The following DNM3 variants were observed in gnomAD, a reference collection of about 807,000 sequenced individuals.
DNM3 encodes dynamin-3.
DNM3 carries 47 observed loss-of-function variants against 101.6 expected under a neutral mutation model. The ratio of observed to expected loss-of-function variants is 0.46; its 90% CI spans 0.37 to 0.59. The LOEUF is 0.59. Ranked by LOEUF, DNM3 falls within the 20% of genes least tolerant of loss-of-function variation. The pLI, the probability that DNM3 is intolerant of heterozygous loss-of-function variation, is 0.00. For missense variants in DNM3, 849 were observed against 1,085.7 expected, an observed-to-expected ratio of 0.78 and a Z score of 3.06; for synonymous variants, 385 against 387.9, an observed-to-expected ratio of 0.99 and a Z score of 0.09.
At chr1:172,241,469 A>T (rs1007938295) in intron 14 of DNM3, among the ~76,000 whole-genome samples, 1 of 152,068 alleles carries the variant, frequency 6.6e-6, no homozygotes, top group Non-Finnish European at 1.5e-5. Context: ...ATATATGTTG[A>T]CTAGATATTA....
At chr1:171,967,223 C>A (rs1487614829) in intron 2 of DNM3, among the ~76,000 whole-genome samples, 1 of 152,122 alleles carries the variant, frequency 6.6e-6, no homozygotes, top group Non-Finnish European at 1.5e-5. Context: ...CTCATACTTA[C>A]AGATTTCCAC....
chr1:172,299,409 T>C (rs1432973060), intron 15 of DNM3, among the ~76,000 whole-genome samples: 32 of 152,178 alleles, frequency 2.1e-4, no homozygotes. Context: ...CAACTTACTT[T>C]ATTTTATATG....
At chr1:172,048,792 T>G in intron 10 of DNM3, 42 bp downstream of exon 10, 1 of 1,597,298 alleles carries the variant, frequency 6.3e-7, no homozygotes, top group Non-Finnish European at 8.5e-7. Flanking sequence ...TGGCTTTGGT[T>G]TATCAACATT....
intron 17 of DNM3, among the ~76,000 whole-genome samples, chr1:172,334,410 G>A (rs547172669): frequency 4.9e-4 from 75 of 152,258 alleles, no homozygotes; most frequent in Non-Finnish European, 9.0e-4. Flanking sequence ...TGAAGCCAGA[G>A]GTGCCGCTGA....
rs2042434404 is a variant in DNM3, at chr1:171,950,276, G to A, written c.235+28455G>A. 2.0e-5 allele frequency among the ~76,000 whole-genome samples: 3 copies of A among 152,196 alleles called. No individual in the cohort carries two copies. In the South Asian group the frequency reaches 6.2e-4, roughly 32 times the overall value. ...CTTACAGGGTTCAGCTTAACAAATT[G>A]TTGACTTTATGATGGTGTGAAAGCA... is the stretch of plus-strand genomic sequence containing the variant. On this transcript the variant is annotated intron_variant, in intron 2 of 20. Transcript: ENST00000627582.
In DNM3 at chr1:172,410,040, A is replaced by C. The variant is rs1008110028; in HGVS notation, c.*2199A>C. The C allele has an allele frequency of 1.6e-5, 16 of 985,532 alleles. No individual in the cohort carries two copies. The highest frequency in any genetic ancestry group is 5.2e-4 in the Middle Eastern group (1 of 1,936). 61.0% of individuals were successfully genotyped at this position (985,532 alleles called of 1,614,324 possible). A position where few individuals can be genotyped will look rare whatever the true frequency, so the allele number is the denominator to read the frequency against. On this transcript the variant is annotated 3_prime_UTR_variant, in exon 21 of 21. Transcript: ENST00000627582. ...ACTTGCTTTTAGATTATAGTCCCAC[A>C]GTTGCACTGCCCCAATTGTCTACCT...
At chr1:172,136,947 A>C (rs763113202) in intron 14 of DNM3, 2 of 152,142 alleles carry the variant, frequency 1.3e-5, no homozygotes, top group Non-Finnish European at 2.9e-5. Context: ...TTTAACAAAA[A>C]AGGTGTTAAC....
At chr1:172,174,019 C>T (rs2059063411) in intron 14 of DNM3, among the ~76,000 whole-genome samples, 1 of 151,376 alleles carries the variant, frequency 6.6e-6, no homozygotes, top group Non-Finnish European at 1.5e-5. Flanking sequence ...CTGGTGATAC[C>T]ATAGTAGTAT....
intron 14 of DNM3, among the ~76,000 whole-genome samples, chr1:172,180,123 G>A (rs896117728): frequency 2.0e-5 from 3 of 152,062 alleles, no homozygotes; most frequent in Non-Finnish European, 4.4e-5. Context: ...TGCCCTGTAG[G>A]AACAAATCTA....
chr1:172,209,159 C>A (rs2060425463), intron 14 of DNM3, among the ~76,000 whole-genome samples: 1 of 151,878 alleles, frequency 6.6e-6, no homozygotes. Context: ...TGACTGATAT[C>A]CTTATAAGAA....
At chr1:172,228,047 C>G (rs2061199869) in intron 14 of DNM3, among the ~76,000 whole-genome samples, 1 of 152,086 alleles carries the variant, frequency 6.6e-6, no homozygotes. Context: ...TTTTTAATGG[C>G]TCTCTGAGTA....
At chr1:171,871,020 A>G (rs999181935) in intron 1 of DNM3, among the ~76,000 whole-genome samples, 3 of 152,214 alleles carry the variant, frequency 2.0e-5, no homozygotes, top group East Asian at 1.9e-4. Flanking sequence ...AGGGTTGACT[A>G]AAGAGGCTAA....
At position 172,144,616 on chromosome 1, in the gene DNM3, C is replaced by T. The variant is rs147011290; in HGVS notation, c.1659+13328C>T. 1.7e-4 allele frequency: 93 copies of T among 533,488 alleles called. 1 individual carries two copies. The East Asian group carries it at 4.2e-3, about 24-fold the overall frequency. The allele number at this position is 533,488 out of a possible 1,614,324, so 33.0% of individuals were successfully genotyped here. ...TGAACAGGTAGTCTGAACACTGGGG[C>T]GACGGAGCAGGATCTCCAGAAGCTT... On this transcript the variant is annotated intron_variant, in intron 14 of 20. Transcript: ENST00000627582.
At chr1:172,139,121 G>A (rs540314306) in intron 14 of DNM3, 79 of 303,192 alleles carry the variant, frequency 2.6e-4, no homozygotes, top group Non-Finnish European at 3.9e-4. Flanking sequence ...GATAATTTGC[G>A]TAACAGAAAA....
At chr1:172,231,334 G>C (rs533727132) in intron 14 of DNM3, among the ~76,000 whole-genome samples, 19 of 152,186 alleles carry the variant, frequency 1.2e-4, no homozygotes, top group Admixed American at 5.9e-4. Context: ...AGGCAAACAG[G>C]GTCTGGAGTG....
rs112363795 is a variant in DNM3, at chr1:172,401,712, T to C, written c.2523-6060T>C. ...GCATCTACTGTAAACTATTCTTGGA[T>C]AGTATTGGCTCATTCTGTTGCTACA... On this transcript the variant is annotated intron_variant, in intron 20 of 20. Coordinates refer to ENST00000627582, the MANE Select transcript of DNM3 (RefSeq NM_015569.5). 4.8e-3 allele frequency among the ~76,000 whole-genome samples: 733 copies of C among 152,314 alleles called. 6 individuals carry two copies. Among genetic ancestry groups the C allele is most frequent in the African/African-American group, 0.017 (691 of 41,556 alleles).
chr1:172,257,160 C>G (rs2062437688), intron 15 of DNM3, among the ~76,000 whole-genome samples: 1 of 152,044 alleles, frequency 6.6e-6, no homozygotes, highest in African/African-American at 2.4e-5. Flanking sequence ...ATTATCTTTT[C>G]TTCATCTCAA....
chr1:172,195,931 G>A (rs948194823), intron 14 of DNM3, among the ~76,000 whole-genome samples: 1 of 150,922 alleles, frequency 6.6e-6, no homozygotes, highest in Admixed American at 6.6e-5. Flanking sequence ...TTTAGGTTTG[G>A]GGGAACATAT....
At position 172,232,971 on chromosome 1, in the gene DNM3, T is replaced by G. The variant is rs529576497; in HGVS notation, c.1660-20602T>G. On this transcript the variant is annotated intron_variant, in intron 14 of 20. Coordinates refer to ENST00000627582, the MANE Select transcript of DNM3 (RefSeq NM_015569.5). ...AAAATTGACACCCTAACATCACAATTAAAAGAACTAGAGAAGCAAGAGCAA... is the reference window on the plus strand; with the variant it reads ...AAAATTGACACCCTAACATCACAATGAAAAGAACTAGAGAAGCAAGAGCAA... 9.2e-4 allele frequency among the ~76,000 whole-genome samples: 140 copies of G among 152,024 alleles called. 1 individual carries two copies. The highest frequency in any genetic ancestry group is 1.7e-3 in the Non-Finnish European group (114 of 67,962).
Sources: gnomAD v4.1 joint callset for allele counts (sites outside exome capture counted in the v4.1 genomes callset) on GRCh38, gnomAD v4.1.1 for gene constraint, MANE v1.5 for transcripts, NCBI Gene and HGNC (gene_info 2026-07-23, HGNC 2026-07-21) for gene names.